HHEX: variants seen among roughly 807,000 people sequenced by gnomAD.
HHEX encodes the protein hematopoietically-expressed homeobox protein HHEX.
Under a neutral mutation model 27.0 loss-of-function variants are expected in HHEX, and 8 were observed. That is an observed-to-expected ratio of 0.30 (90% confidence interval 0.17 to 0.54). The LOEUF (loss-of-function observed/expected upper bound fraction) is 0.54, where lower values mean the gene tolerates loss of function less well. Among genes scored for constraint, HHEX ranks in the 20% least tolerant of loss-of-function variants. The pLI is 0.95. For missense variants in HHEX, 326 were observed against 357.2 expected, an observed-to-expected ratio of 0.91 and a Z score of 0.70; for synonymous variants, 164 against 161.5, an observed-to-expected ratio of 1.02 and a Z score of -0.12.
rs922530434 is a variant in HHEX at position 92,695,419 on chromosome 10, C to T, written c.*651C>T. On this transcript the variant is annotated 3_prime_UTR_variant, in exon 4 of 4. Coordinates refer to ENST00000282728, the MANE Select transcript of HHEX (RefSeq NM_002729.5). Reference sequence around the variant, plus strand: ...TGACCAAGGTGTTAAGGGGATAGTACCTCCCAATTCAAGCAGAGAAACTGA... The same window carrying T: ...TGACCAAGGTGTTAAGGGGATAGTATCTCCCAATTCAAGCAGAGAAACTGA... 4.6e-5 allele frequency: 7 copies of T among 152,560 alleles called. No individual in the cohort carries two copies. The East Asian group carries it at 1.3e-3, about 29-fold the overall frequency. 9.5% of individuals were successfully genotyped at this position (152,560 alleles called of 1,614,324 possible).
In HHEX at chr10:92,690,019, C is replaced by G. The variant is rs1383029824; in HGVS notation, c.33C>G (p.Gly11=). 2.7e-6 allele frequency: 4 copies of G among 1,481,360 alleles called. No individual in the cohort carries two copies. In the Admixed American group the frequency reaches 9.8e-5, roughly 36 times the overall value. 91.8% of individuals were successfully genotyped at this position (1,481,360 alleles called of 1,614,324 possible). The change falls in exon 1 of 4, where the codon GGC becomes GGG. Residue 11 remains glycine (G), a synonymous_variant. Coordinates refer to ENST00000282728, the MANE Select transcript of HHEX (RefSeq NM_002729.5). ...ACCCGCACCCCGGGCCGGCGGCGGG[C>G]GCCGTGGGGGTGCCGCTGTACGCGC... MQYPHPGPAA[G]AVGVPLYAPT...
intron 1 of HHEX, among the ~76,000 whole-genome samples, chr10:92,691,347 G>C (rs1197723141): frequency 6.6e-6 from 1 of 152,126 alleles, no homozygotes; most frequent in East Asian, 1.9e-4. Flanking sequence ...ATAAGGAAAC[G>C]GGGCGCCTCT....
At chr10:92,691,128 A>AGACG (rs371293641) in intron 1 of HHEX, among the ~76,000 whole-genome samples, 3 of 150,434 alleles carry the variant, frequency 2.0e-5, no homozygotes, top group Non-Finnish European at 4.4e-5. Context: ...GCAGGCCTGC[A>AGACG]GACGGACGGA....
Position 92,690,179 on chromosome 10 carries a change from T to C in HHEX, c.193T>C (p.Tyr65His), listed in dbSNP as rs1332097827. The C allele has an allele frequency of 6.4e-7, 1 of 1,565,800 alleles. No individual in the cohort carries two copies. The change falls in exon 1 of 4, where the codon TAC becomes CAC. Residue 65 changes from tyrosine to histidine, a missense_variant. This residue lies in a region of HHEX where 215 missense variants were observed against 196.4 expected (regional missense o/e 1.09). Coordinates refer to ENST00000282728, the MANE Select transcript of HHEX (RefSeq NM_002729.5). ...CTCCTTCACCAGCCTCGTGTCCCCC[T>C]ACCGGACCCCGGTGTACGAGCCCAC... ...NSSFTSLVSP[Y>H]RTPVYEPTPI...
At chr10:92,692,785 A>G in intron 3 of HHEX, 33 bp downstream of exon 3, 2 of 1,569,244 alleles carry the variant, frequency 1.3e-6, no homozygotes, top group Non-Finnish European at 1.8e-6. Flanking sequence ...ATGGAAATAA[A>G]TATTTTTATC....
chr10:92,693,553 A>G (rs1478050819), intron 3 of HHEX, among the ~76,000 whole-genome samples: 2 of 152,218 alleles, frequency 1.3e-5, no homozygotes, highest in Non-Finnish European at 2.9e-5. Flanking sequence ...AGCAAAGTGG[A>G]TTTTAAAATT....
At chr10:92,692,567 G>A in intron 2 of HHEX, 21 bp downstream of exon 2, 1 of 1,612,600 alleles carries the variant, frequency 6.2e-7, no homozygotes, top group Non-Finnish European at 8.5e-7. Flanking sequence ...GGGGGGCCTG[G>A]GGCCGCCTCC....
At chr10:92,692,150 T>C (rs1249367771) in intron 1 of HHEX, 10 of 512,928 alleles carry the variant, frequency 1.9e-5, no homozygotes, top group African/African-American at 1.7e-4. Context: ...TGTCTGTGTG[T>C]GTACAAGGCT....
chr10:92,694,514 C>A, intron 3 of HHEX, 33 bp from the exon 4 acceptor site: 1 of 1,498,616 alleles, frequency 6.7e-7, no homozygotes, highest in South Asian at 1.1e-5. Context: ...TTTTATGATC[C>A]TTCCAATCTC....
At position 92,695,133 on chromosome 10, in the gene HHEX, C is replaced by T. The variant is rs1000326112; in HGVS notation, c.*365C>T. On this transcript the variant is annotated 3_prime_UTR_variant, in exon 4 of 4. Coordinates refer to ENST00000282728, the MANE Select transcript of HHEX (RefSeq NM_002729.5). The stretch of plus-strand genomic sequence containing the variant: ...AAGGTTTTAATAGGACCTTCTTGAA[C>T]GACTTTTCTGTAATCTGTTTATCTC... 24 of 180,394 alleles carry T rather than the reference C, an allele frequency of 1.3e-4. No homozygotes were observed. The highest frequency in any genetic ancestry group is 1.9e-4 in the African/African-American group (8 of 41,850). 11.2% of individuals were successfully genotyped at this position (180,394 alleles called of 1,614,324 possible).
At chr10:92,692,607 C>T (rs1372188532) in intron 2 of HHEX, 61 bp downstream of exon 2, 5 of 1,598,436 alleles carry the variant, frequency 3.1e-6, no homozygotes, top group South Asian at 1.1e-5. Context: ...GGGTAGGGGT[C>T]GCCGGGCCAC....
rs567749173 is a variant in HHEX, at chr10:92,692,261, T to G, written c.362-107T>G. On this transcript the variant is annotated intron_variant, in intron 1 of 3. Transcript: ENST00000282728. Reference sequence around the variant, plus strand: ...GGTGGGTGTATGTGAATGTGTCTGGTTGGGTGGCCTCCTGGCCTACCTTTG... The same window carrying G: ...GGTGGGTGTATGTGAATGTGTCTGGGTGGGTGGCCTCCTGGCCTACCTTTG... 45 of 1,130,690 alleles carry G rather than the reference T, an allele frequency of 4.0e-5. No homozygotes were observed. The African/African-American group carries it at 6.7e-4, about 17-fold the overall frequency. The allele number at this position is 1,130,690 out of a possible 1,614,324, so 70.0% of individuals were successfully genotyped here. A position where few individuals can be genotyped will look rare whatever the true frequency, so the allele number is the denominator to read the frequency against.
At position 92,692,556 on chromosome 10, in the gene HHEX, C is replaced by T. The variant is rs745436355; in HGVS notation, c.540+10C>T. 6 of 1,612,806 alleles carry T rather than the reference C, an allele frequency of 3.7e-6. No individual in the cohort carries two copies. The South Asian group carries it at 5.5e-5, about 15-fold the overall frequency. On this transcript the variant is annotated intron_variant, in intron 2 of 3. Transcript: ENST00000282728. ...GCTCAGCGAGAGACAGGTGAGCTCG[C>T]GGGGGGCCTGGGGCCGCCTCCGGGG...
chr10:92,693,318 C>A (rs1411388332), intron 3 of HHEX, among the ~76,000 whole-genome samples: 1 of 152,204 alleles, frequency 6.6e-6, no homozygotes, highest in Non-Finnish European at 1.5e-5. Context: ...CTTAAACTTT[C>A]TGACAGTCTT....
Position 92,690,380 on chromosome 10 carries a change from A to G in HHEX, c.361+33A>G, listed in dbSNP as rs574038551. On this transcript the variant is annotated intron_variant, in intron 1 of 3. Coordinates refer to ENST00000282728, the MANE Select transcript of HHEX (RefSeq NM_002729.5). ...GGCCGGGCGAGGGTGGGGGCGAGGA[A>G]GCGCCACCCGGCAGGTGGCAGCGCC... 2.6e-4 allele frequency: 369 copies of G among 1,400,708 alleles called. 1 individual carries two copies. In the African/African-American group the frequency reaches 4.9e-3, roughly 19 times the overall value. The allele number at this position is 1,400,708 out of a possible 1,614,324, so 86.8% of individuals were successfully genotyped here.
In HHEX at chr10:92,694,780, A is replaced by T; in HGVS notation, c.*12A>T. The T allele has an allele frequency of 6.3e-7, 1 of 1,576,204 alleles. No homozygotes were observed. The highest frequency in any genetic ancestry group is 8.7e-7 in the Non-Finnish European group (1 of 1,146,458). On this transcript the variant is annotated 3_prime_UTR_variant, in exon 4 of 4. Transcript: ENST00000282728. ...TTAATGCTGGATGATGACCACTGGC[A>T]TTGGCATGTTCAGAAAACTGGATTT...
Position 92,694,810 on chromosome 10 carries a change from A to G in HHEX, c.*42A>G, listed in dbSNP as rs375633003. The G allele has an allele frequency of 3.6e-5, 51 of 1,409,342 alleles. No individual in the cohort carries two copies. The highest frequency in any genetic ancestry group is 4.9e-5 in the Non-Finnish European group (49 of 1,001,048). 87.3% of individuals were successfully genotyped at this position (1,409,342 alleles called of 1,614,324 possible). On this transcript the variant is annotated 3_prime_UTR_variant, in exon 4 of 4. Coordinates refer to ENST00000282728, the MANE Select transcript of HHEX (RefSeq NM_002729.5). The stretch of plus-strand genomic sequence containing the variant: ...CATGTTCAGAAAACTGGATTTAGGA[A>G]TAATGTTTTGCTACAGAAAATCTTC...
Position 92,690,037 on chromosome 10 carries a change from G to A in HHEX, c.51G>A (p.Leu17=), listed in dbSNP as rs535776260. The A allele has an allele frequency of 1.3e-6, 2 of 1,522,064 alleles. No homozygotes were observed. The highest frequency in any genetic ancestry group is 2.2e-4 in the Middle Eastern group (1 of 4,648). 94.3% of individuals were successfully genotyped at this position (1,522,064 alleles called of 1,614,324 possible). The change falls in exon 1 of 4, where the codon CTG becomes CTA. Residue 17 remains leucine, a synonymous_variant. Coordinates refer to ENST00000282728, the MANE Select transcript of HHEX (RefSeq NM_002729.5). ...GPAAGAVGVP[L]YAPTPLLQPA... is the part of the protein sequence containing the mutation. ...CGGCGGGCGCCGTGGGGGTGCCGCT[G>A]TACGCGCCCACGCCGCTGCTGCAAC... is the stretch of plus-strand genomic sequence containing the variant.
intron 1 of HHEX, 109 bp downstream of exon 1, chr10:92,690,456 G>A (rs940342794): frequency 6.9e-6 from 9 of 1,296,656 alleles, no homozygotes; most frequent in Middle Eastern, 2.8e-4. Context: ...TGTGGCAAAA[G>A]CGATGGAAAA....
Sources: gnomAD v4.1 joint callset for allele counts (sites outside exome capture counted in the v4.1 genomes callset) on GRCh38, gnomAD v4.1.1 for gene constraint, gnomAD v4.1.1 regional missense constraint, MANE v1.5 for transcripts, NCBI Gene and HGNC (gene_info 2026-07-23, HGNC 2026-07-21) for gene names.